Variants in C3orf20 observed in about 807,000 individuals in gnomAD.
C3orf20 encodes family with sequence similarity 149 member C.
In C3orf20, 76 loss-of-function variants were observed where a neutral mutation model predicts 88.3. The ratio of observed to expected loss-of-function variants is 0.86; its 90% CI spans 0.72 to 1.04. C3orf20 has a LOEUF of 1.04. Among genes scored for constraint, C3orf20 ranks in the 50% least tolerant of loss-of-function variants. The pLI is 0.00. For missense variants in C3orf20, 1,056 were observed against 1,123.3 expected, an observed-to-expected ratio of 0.94 and a Z score of 0.86; for synonymous variants, 436 against 437.4, an observed-to-expected ratio of 1.00 and a Z score of 0.04.
At chr3:14,684,493 G>A in intron 4 of C3orf20, 111 bp downstream of exon 4, 3 of 1,373,778 alleles carry the variant, frequency 2.2e-6, no homozygotes, top group Non-Finnish European at 3.0e-6. Context: ...AAGAATTGAG[G>A]TGGATGTGGA....
At chr3:14,720,209 T>C (rs577375212) in intron 9 of C3orf20, among the ~76,000 whole-genome samples, 1 of 152,236 alleles carries the variant, frequency 6.6e-6, no homozygotes, top group East Asian at 1.9e-4. Flanking sequence ...TTTTTGTATA[T>C]TTAGTAGAGA....
intron 1 of C3orf20, 105 bp from the exon 2 acceptor site, chr3:14,682,065 C>T (rs1365568049): frequency 6.6e-6 from 1 of 152,156 alleles, no homozygotes; most frequent in African/African-American, 2.4e-5. Flanking sequence ...TAAGATGGTG[C>T]ATCTTTTGAT....
In C3orf20 at chr3:14,761,694, G is replaced by A. The variant is rs2035569190; in HGVS notation, c.2495+79G>A. On this transcript the variant is annotated intron_variant, in intron 15 of 16. Coordinates refer to ENST00000253697, the MANE Select transcript of C3orf20 (RefSeq NM_032137.5). ...AGAAAGGAGACTTGGGCTGTGAAAG[G>A]GGAACTGAGGGGAGCAGGCGGGGCT... 7 of 1,479,900 alleles carry A rather than the reference G, an allele frequency of 4.7e-6. No homozygotes were observed. The East Asian group carries it at 9.2e-5, about 20-fold the overall frequency. 91.7% of individuals were successfully genotyped at this position (1,479,900 alleles called of 1,614,324 possible).
At position 14,707,713 on chromosome 3, in the gene C3orf20, T is replaced by G. The variant is rs1182248170; in HGVS notation, c.1160+3095T>G. Among the ~76,000 whole-genome samples the G allele has an allele frequency of 2.0e-5, 3 of 152,114 alleles. 1 individual carries two copies. The highest frequency in any genetic ancestry group is 2.0e-4 in the Admixed American group (3 of 15,268). ...ATGCACAAAAACTTTTAAATTTTGATGAAGTCCAATTTTTTCCACCTTTCT... is the reference window on the plus strand; with the variant it reads ...ATGCACAAAAACTTTTAAATTTTGAGGAAGTCCAATTTTTTCCACCTTTCT... On this transcript the variant is annotated intron_variant, in intron 7 of 16. Coordinates refer to ENST00000253697, the MANE Select transcript of C3orf20 (RefSeq NM_032137.5).
chr3:14,692,486 C>G (rs2032783534), intron 5 of C3orf20, among the ~76,000 whole-genome samples: 1 of 152,172 alleles, frequency 6.6e-6, no homozygotes, highest in Non-Finnish European at 1.5e-5. Context: ...TTGCATTTCT[C>G]TGACTATCAG....
chr3:14,763,106 G>C (rs1295854245), intron 15 of C3orf20, among the ~76,000 whole-genome samples: 1 of 152,156 alleles, frequency 6.6e-6, no homozygotes, highest in South Asian at 2.1e-4. Flanking sequence ...AGGCACCAAG[G>C]GCAGGACAGG....
At chr3:14,753,591 G>A (rs2035278944) in intron 12 of C3orf20, among the ~76,000 whole-genome samples, 1 of 152,110 alleles carries the variant, frequency 6.6e-6, no homozygotes, top group Non-Finnish European at 1.5e-5. Flanking sequence ...TTTCCTGTGA[G>A]TGGTCCATAC....
At chr3:14,703,024 A>G in intron 5 of C3orf20, 106 bp from the exon 6 acceptor site, 3 of 1,360,256 alleles carry the variant, frequency 2.2e-6, no homozygotes, top group Middle Eastern at 1.9e-4. Context: ...TAAAGCTCCA[A>G]AATGATCTCC....
chr3:14,697,713 C>CT (rs72582731), intron 5 of C3orf20, among the ~76,000 whole-genome samples: 1 of 108,646 alleles, frequency 9.2e-6, no homozygotes, highest in Non-Finnish European at 2.0e-5. Flanking sequence ...CCCCCAACCC[C>CT]CCTGCTGCCA....
In C3orf20 at chr3:14,719,129, T is replaced by TG. The variant is rs1265781225; in HGVS notation, c.1435-2524_1435-2523insG. Among the ~76,000 whole-genome samples, 56 of 151,946 alleles carry TG rather than the reference T, an allele frequency of 3.7e-4. 1 individual carries two copies. Among genetic ancestry groups the TG allele is most frequent in the Middle Eastern group, 3.4e-3 (1 of 294 alleles). ...CTTCATAGCCTTTGGGTCATTGTTT[T>TG]TTTTTTTTTTTTTAATTTTTTCAAG... On this transcript the variant is annotated intron_variant, in intron 9 of 16. Coordinates refer to ENST00000253697, the MANE Select transcript of C3orf20 (RefSeq NM_032137.5).
At chr3:14,704,276 GAGC>G in intron 6 of C3orf20, 58 bp from the exon 7 acceptor site, 1 of 1,566,420 alleles carries the variant, frequency 6.4e-7, no homozygotes, top group Non-Finnish European at 8.7e-7. Flanking sequence ...GGGCTGTAGA[GAGC>G]ATCCCTGGTG....
At chr3:14,762,196 CCA>C (rs1379381447) in intron 15 of C3orf20, among the ~76,000 whole-genome samples, 4 of 152,218 alleles carry the variant, frequency 2.6e-5, no homozygotes, top group African/African-American at 4.8e-5. Context: ...CTCAGCCTCC[CCA>C]CACAGACAAA....
chr3:14,733,145 G>C (rs2034594902), intron 12 of C3orf20, among the ~76,000 whole-genome samples: 1 of 152,070 alleles, frequency 6.6e-6, no homozygotes, highest in African/African-American at 2.4e-5. Context: ...TTTTGTTGAA[G>C]AGTTTTTCAT....
intron 1 of C3orf20, among the ~76,000 whole-genome samples, chr3:14,676,617 A>T (rs1419648700): frequency 1.3e-5 from 2 of 152,072 alleles, no homozygotes; most frequent in Non-Finnish European, 2.9e-5. Context: ...AACTTCCCTG[A>T]CACTCCTCCC....
intron 12 of C3orf20, among the ~76,000 whole-genome samples, chr3:14,730,642 G>A (rs943220174): frequency 6.6e-6 from 1 of 152,226 alleles, no homozygotes; most frequent in Non-Finnish European, 1.5e-5. Context: ...GTAGCAAACT[G>A]TGCTACTATT....
chr3:14,738,607 A>G (rs944393217), intron 12 of C3orf20, among the ~76,000 whole-genome samples: 3 of 142,420 alleles, frequency 2.1e-5, no homozygotes, highest in African/African-American at 7.9e-5. Context: ...CTGGGATTAC[A>G]GGCATGAGCC....
At chr3:14,706,095 C>G (rs2033490349) in intron 7 of C3orf20, among the ~76,000 whole-genome samples, 2 of 152,186 alleles carry the variant, frequency 1.3e-5, no homozygotes, top group Admixed American at 1.3e-4. Flanking sequence ...CAACCACTTT[C>G]ACAAAGGCTA....
At chr3:14,741,198 A>G (rs774074481) in intron 12 of C3orf20, among the ~76,000 whole-genome samples, 11 of 152,038 alleles carry the variant, frequency 7.2e-5, no homozygotes, top group Non-Finnish European at 1.6e-4. Flanking sequence ...GGTCTTGTCT[A>G]TTTTTGTTTC....
chr3:14,743,982 A>G (rs2034989431), intron 12 of C3orf20, among the ~76,000 whole-genome samples: 3 of 152,016 alleles, frequency 2.0e-5, no homozygotes, highest in African/African-American at 7.3e-5. Flanking sequence ...TGGCCTGGAG[A>G]CATTTTTCCC....
Sources: allele counts gnomAD v4.1 joint callset (sites outside exome capture counted in the v4.1 genomes callset), GRCh38; gene constraint gnomAD v4.1.1; transcripts MANE v1.5; gene names NCBI Gene and HGNC (gene_info 2026-07-23, HGNC 2026-07-21).